The following XYLT1 variants were observed in gnomAD, a reference collection of about 807,000 sequenced individuals.
The protein encoded by XYLT1 is beta-D-xylosyltransferase 1.
A neutral mutation model predicts 91.3 loss-of-function variants in XYLT1; 36 were observed. The ratio of observed to expected loss-of-function variants is 0.39; its 90% CI spans 0.30 to 0.52. XYLT1 has a LOEUF of 0.52. XYLT1 is among the 20% of genes least tolerant of loss of function. The pLI is 0.68. For missense variants in XYLT1, 1,242 were observed against 1,284.5 expected (o/e 0.97, Z 0.51); for synonymous variants, 588 against 532.0 (o/e 1.11, Z -1.45).
At chr16:17,274,074 G>C (rs1438509974) in intron 2 of XYLT1, among the ~76,000 whole-genome samples, 4 of 151,598 alleles carry the variant, frequency 2.6e-5, no homozygotes, top group Admixed American at 2.0e-4. Context: ...ACCATGCCTG[G>C]CTAATTTTTG....
intron 6 of XYLT1, among the ~76,000 whole-genome samples, chr16:17,144,024 A>G (rs976906630): frequency 5.3e-5 from 8 of 152,214 alleles, no homozygotes; most frequent in African/African-American, 1.9e-4. Flanking sequence ...TGGATTATCT[A>G]CTTTAATTCT....
intron 1 of XYLT1, among the ~76,000 whole-genome samples, chr16:17,365,062 A>G (rs1043097835): frequency 2.0e-5 from 3 of 152,220 alleles, no homozygotes; most frequent in African/African-American, 7.2e-5. Context: ...CAAGTGTCGG[A>G]TGCATGCGTG....
intron 1 of XYLT1, among the ~76,000 whole-genome samples, chr16:17,373,825 C>G (rs2035565246): frequency 6.6e-6 from 1 of 152,206 alleles, no homozygotes; most frequent in Admixed American, 6.5e-5. Flanking sequence ...TGCTCGTGAA[C>G]ACTATTCTCC....
Position 17,138,045 on chromosome 16 carries a change from T to A in XYLT1, c.1764+310A>T, listed in dbSNP as rs1567291003. Among the ~76,000 whole-genome samples, 3 of 116,008 alleles carry A rather than the reference T, an allele frequency of 2.6e-5. No individual in the cohort carries two copies. In the South Asian group the frequency reaches 7.4e-4, roughly 29 times the overall value. 76.1% of individuals were successfully genotyped at this position (116,008 alleles called of 152,430 possible). ...TGAAAAGGGAATAAAGAGAAGATGA[T>A]ATGAGTATGGCCTTTGGAAAGTTTT... On this transcript the variant is annotated intron_variant, in intron 8 of 11. Transcript: ENST00000261381.
intron 1 of XYLT1, among the ~76,000 whole-genome samples, chr16:17,387,254 C>T (rs562008932): frequency 4.6e-5 from 7 of 152,286 alleles, no homozygotes; most frequent in Admixed American, 3.3e-4. Flanking sequence ...ACTCTATTCC[C>T]GAAAGGTGGG....
At chr16:17,265,552 C>T (rs911625040) in intron 2 of XYLT1, among the ~76,000 whole-genome samples, 1 of 152,192 alleles carries the variant, frequency 6.6e-6, no homozygotes, top group Non-Finnish European at 1.5e-5. Context: ...TCTGCTGTTG[C>T]CTTACCTCTA....
chr16:17,135,939 C>T (rs1157969223), intron 8 of XYLT1, among the ~76,000 whole-genome samples: 2 of 152,280 alleles, frequency 1.3e-5, no homozygotes, highest in East Asian at 3.9e-4. Context: ...CTGACTTTGG[C>T]CCCCAGGGCT....
chr16:17,130,934 C>T (rs2030446830), intron 9 of XYLT1, among the ~76,000 whole-genome samples: 1 of 152,182 alleles, frequency 6.6e-6, no homozygotes, highest in African/African-American at 2.4e-5. Flanking sequence ...CTCATTGCTG[C>T]CTCTGACTTG....
At chr16:17,120,667 T>C (rs1346537123) in intron 10 of XYLT1, among the ~76,000 whole-genome samples, 1 of 152,130 alleles carries the variant, frequency 6.6e-6, no homozygotes, top group Non-Finnish European at 1.5e-5. Flanking sequence ...CCCACAGTAC[T>C]GCATCTTTTA....
In XYLT1 at chr16:17,134,548, A is replaced by C; in HGVS notation, c.1952T>G (p.Leu651Trp). ...IHSLSDVTLT[L>W]YHSFARLGLR... is the part of the protein sequence containing the mutation. The stretch of plus-strand genomic sequence containing the variant: ...ACCCAGGCGGGCAAAGGAGTGGTAC[A>C]AGGTGAGTGTCACGTCGCTCAGGCT... The change falls in exon 9 of 12, where the codon TTG becomes TGG. Residue 651 changes from leucine (L) to tryptophan (W), a missense_variant. By Grantham distance (61) the Leu-to-Trp change is moderately conservative. Around this residue, in one of 3 missense-constraint regions of XYLT1, gnomAD observed 511 missense variants for 497.0 expected, o/e 1.03. Coordinates refer to ENST00000261381, the MANE Select transcript of XYLT1 (RefSeq NM_022166.4). 2 of 1,614,150 alleles carry C rather than the reference A, an allele frequency of 1.2e-6. No individual in the cohort carries two copies. Among genetic ancestry groups the C allele is most frequent in the Non-Finnish European group, 1.7e-6 (2 of 1,180,026 alleles).
intron 3 of XYLT1, among the ~76,000 whole-genome samples, chr16:17,219,127 C>T (rs893207728): frequency 6.6e-6 from 1 of 151,714 alleles, no homozygotes; most frequent in Non-Finnish European, 1.5e-5. Flanking sequence ...ACTAAAAATA[C>T]AAAAATTAGC....
chr16:17,285,439 G>C (rs891789467), intron 2 of XYLT1, among the ~76,000 whole-genome samples: 1 of 152,230 alleles, frequency 6.6e-6, no homozygotes, highest in Non-Finnish European at 1.5e-5. Context: ...TCTGGTAGCA[G>C]AATTAATGAC....
chr16:17,390,099 C>T (rs114338052), intron 1 of XYLT1, among the ~76,000 whole-genome samples: 192 of 152,242 alleles, frequency 1.3e-3, no homozygotes, highest in African/African-American at 3.9e-3. Context: ...GGGAATAAAA[C>T]GTCAGGGAAG....
At chr16:17,380,322 A>G (rs1049127799) in intron 1 of XYLT1, among the ~76,000 whole-genome samples, 2 of 152,124 alleles carry the variant, frequency 1.3e-5, no homozygotes, top group African/African-American at 4.8e-5. Flanking sequence ...TAAAAATAAA[A>G]AGAGGTGGTT....
At chr16:17,183,805 G>C (rs1361460596) in intron 5 of XYLT1, among the ~76,000 whole-genome samples, 5 of 152,130 alleles carry the variant, frequency 3.3e-5, no homozygotes, top group African/African-American at 1.2e-4. Context: ...GGGAGCAAGG[G>C]AGAGAAAATA....
At chr16:17,281,573 C>G (rs775113950) in intron 2 of XYLT1, among the ~76,000 whole-genome samples, 4 of 152,176 alleles carry the variant, frequency 2.6e-5, no homozygotes, top group Non-Finnish European at 5.9e-5. Flanking sequence ...CTATGGAACC[C>G]TGGCTAGACC....
intron 1 of XYLT1, among the ~76,000 whole-genome samples, chr16:17,412,122 G>C (rs1369941474): frequency 6.6e-6 from 1 of 152,112 alleles, no homozygotes; most frequent in African/African-American, 2.4e-5. Context: ...AAGGGCATGT[G>C]TAAGAAGTAT....
At chr16:17,258,581 A>G (rs762339875) in intron 3 of XYLT1, among the ~76,000 whole-genome samples, 3 of 152,220 alleles carry the variant, frequency 2.0e-5, no homozygotes, top group Non-Finnish European at 4.4e-5. Context: ...CTCTGAAGTT[A>G]ATGCAACCAA....
intron 3 of XYLT1, among the ~76,000 whole-genome samples, chr16:17,239,235 T>TCCAC (rs35459006): frequency 2.0e-5 from 3 of 148,584 alleles, no homozygotes; most frequent in Non-Finnish European, 4.5e-5. Context: ...CATCCATCCA[T>TCCAC]TCATCTCATT....
Sources: gnomAD v4.1 joint callset for allele counts (sites outside exome capture counted in the v4.1 genomes callset) on GRCh38, gnomAD v4.1.1 for gene constraint, gnomAD v4.1.1 regional missense constraint, MANE v1.5 for transcripts, NCBI Gene and HGNC (gene_info 2026-07-23, HGNC 2026-07-21) for gene names.